CADM3: variants seen among roughly 807,000 people sequenced by gnomAD.
CADM3 encodes TSLC1-like 1.
In CADM3, 11 loss-of-function variants were observed where a neutral mutation model predicts 44.9. The ratio of observed to expected loss-of-function variants is 0.25; its 90% confidence interval spans 0.15 to 0.41. The LOEUF (loss-of-function observed/expected upper bound fraction) is 0.41, where lower values mean the gene tolerates loss of function less well. CADM3 is among the 10% of genes least tolerant of loss of function. The pLI is 1.00. For synonymous variants in CADM3, 207 were observed against 205.2 expected, an observed-to-expected ratio of 1.01 and a Z score of -0.08; for missense variants, 426 against 512.0, an observed-to-expected ratio of 0.83 and a Z score of 1.62.
At chr1:159,180,468 C>T (rs928784195) in intron 1 of CADM3, among the ~76,000 whole-genome samples, 10 of 152,086 alleles carry the variant, frequency 6.6e-5, no homozygotes, top group Non-Finnish European at 1.3e-4. Flanking sequence ...TTTTCCATTT[C>T]GGGGACTGTG....
intron 1 of CADM3, among the ~76,000 whole-genome samples, chr1:159,184,795 C>T (rs559340185): frequency 1.3e-5 from 2 of 152,184 alleles, no homozygotes; most frequent in East Asian, 3.9e-4. Context: ...TTATTGAGCA[C>T]TTATTATGTG....
intron 1 of CADM3, among the ~76,000 whole-genome samples, chr1:159,188,275 C>T (rs1649498600): frequency 6.6e-6 from 1 of 151,030 alleles, no homozygotes. Flanking sequence ...TCCCTCTCCA[C>T]CCCCTCTTTA....
chr1:159,172,109 T>C (rs1423358491), intron 1 of CADM3, among the ~76,000 whole-genome samples: 5 of 152,078 alleles, frequency 3.3e-5, no homozygotes, highest in Non-Finnish European at 5.9e-5. Context: ...CTCTCGGGGC[T>C]GATGTCCGTT....
chr1:159,198,566 G>A (rs1359365100), intron 7 of CADM3, among the ~76,000 whole-genome samples: 2 of 152,138 alleles, frequency 1.3e-5, no homozygotes, highest in Non-Finnish European at 1.5e-5. Flanking sequence ...GCAAGGAACT[G>A]AAACGCGGGC....
In CADM3 at chr1:159,194,025, C is replaced by A; in HGVS notation, c.676C>A (p.Arg226Ser). Reference sequence around the variant, plus strand: ...GGGAGCTGACAGATCCACCTCTCAACGCATTGAAGTTTTATGTATGTCATG... The same window carrying A: ...GGGAGCTGACAGATCCACCTCTCAAAGCATTGAAGTTTTATGTATGTCATG... ...LKGADRSTSQ[R>S]IEVLYTPTAM... The change falls in exon 5 of 9, where the codon CGC (arginine) becomes AGC (serine). Residue 226 changes from arginine (R) to serine (S), a missense_variant. By Grantham distance (110) the Arg-to-Ser change is moderately radical. Coordinates refer to ENST00000368125, the MANE Select transcript of CADM3 (RefSeq NM_001127173.3). 1 of 1,613,452 alleles carries A rather than the reference C, an allele frequency of 6.2e-7. No individual in the cohort carries two copies. Among genetic ancestry groups the A allele is most frequent in the Non-Finnish European group, 8.5e-7 (1 of 1,179,584 alleles).
chr1:159,202,748 C>T lies in CADM3; in HGVS notation c.*1826C>T, dbSNP rs149599957. 1 of 152,060 alleles carries T rather than the reference C, an allele frequency of 6.6e-6. No individual in the cohort carries two copies. The highest frequency in any genetic ancestry group is 2.1e-4 in the South Asian group (1 of 4,816). The allele number at this position is 152,060 out of a possible 1,614,324, so 9.4% of individuals were successfully genotyped here. A position where few individuals can be genotyped will look rare whatever the true frequency, so the allele number is the denominator to read the frequency against. ...TGCAATCTAGCAGGCCTGCCCACCC[C>T]CTTCAGTTCAGGTAATACAGTTGTG... On this transcript the variant is annotated 3_prime_UTR_variant, in exon 9 of 9. Coordinates refer to ENST00000368125, the MANE Select transcript of CADM3 (RefSeq NM_001127173.3).
At chr1:159,178,449 A>G (rs573297378) in intron 1 of CADM3, 18 of 152,324 alleles carry the variant, frequency 1.2e-4, no homozygotes, top group African/African-American at 4.3e-4. Flanking sequence ...CCAGTAAATG[A>G]GAGGCATAGA....
In CADM3 at chr1:159,189,818, G is replaced by A. The variant is rs150071589; in HGVS notation, c.89-2118G>A. On this transcript the variant is annotated intron_variant, in intron 1 of 8. Coordinates refer to ENST00000368125, the MANE Select transcript of CADM3 (RefSeq NM_001127173.3). ...GGAGCTGGGAACTCTGGCTCCACTC[G>A]ACGAGGCCATCAGCTCCACAGTCTG... 3.4e-5 allele frequency: 54 copies of A among 1,607,622 alleles called. No homozygotes were observed. The South Asian group carries it at 5.8e-4, about 17-fold the overall frequency.
chr1:159,186,476 C>T (rs1649422690), intron 1 of CADM3, among the ~76,000 whole-genome samples: 2 of 152,206 alleles, frequency 1.3e-5, no homozygotes, highest in Admixed American at 6.5e-5. Flanking sequence ...AAATTCCATA[C>T]CACCCATTCA....
chr1:159,198,005 C>G (rs1293343445), intron 7 of CADM3: 1 of 152,256 alleles, frequency 6.6e-6, no homozygotes, highest in Non-Finnish European at 1.5e-5. Context: ...GCTCCGGTCT[C>G]TGCCCCCAGA....
intron 5 of CADM3, chr1:159,195,720 A>G (rs1173639674): frequency 6.6e-6 from 1 of 152,212 alleles, no homozygotes; most frequent in Non-Finnish European, 1.5e-5. Flanking sequence ...GTTGTTCTCG[A>G]CCAGCATCTG....
chr1:159,188,113 G>T (rs1649491409), intron 1 of CADM3, among the ~76,000 whole-genome samples: 1 of 151,984 alleles, frequency 6.6e-6, no homozygotes, highest in African/African-American at 2.4e-5. Context: ...CCTGGAAGCT[G>T]TCTGTGAGGA....
At chr1:159,174,384 G>A (rs1308304289) in intron 1 of CADM3, among the ~76,000 whole-genome samples, 1 of 152,130 alleles carries the variant, frequency 6.6e-6, no homozygotes, top group Non-Finnish European at 1.5e-5. Context: ...TTGGCCTGGG[G>A]CCCCTAGGAA....
At chr1:159,172,709 G>A (rs1648864193) in intron 1 of CADM3, among the ~76,000 whole-genome samples, 1 of 152,122 alleles carries the variant, frequency 6.6e-6, no homozygotes, top group Non-Finnish European at 1.5e-5. Flanking sequence ...GCCCCAGTCT[G>A]GAACTCAAAC....
At chr1:159,175,506 T>A (rs1648984162) in intron 1 of CADM3, among the ~76,000 whole-genome samples, 1 of 152,244 alleles carries the variant, frequency 6.6e-6, no homozygotes, top group Non-Finnish European at 1.5e-5. Flanking sequence ...ATGTGAGACA[T>A]TTTTAACAAA....
intron 5 of CADM3, chr1:159,195,883 A>C (rs1234030411): frequency 6.5e-6 from 1 of 152,994 alleles, no homozygotes; most frequent in Non-Finnish European, 1.5e-5. Flanking sequence ...GCTGTTTCAA[A>C]GCTCTCACTT....
Position 159,200,804 on chromosome 1 carries a change from G to A in CADM3, c.1079G>A (p.Gly360Glu), listed in dbSNP as rs1445566896. The change falls in exon 9 of 9, where the codon GGA (glycine) becomes GAA (glutamate). Residue 360 changes from glycine to glutamate, a missense_variant and splice_region_variant. By Grantham distance (98) the Gly-to-Glu change is moderately conservative. Coordinates refer to ENST00000368125, the MANE Select transcript of CADM3 (RefSeq NM_001127173.3). ...FLGHYLIRHKGTYLTHEAKGS... is the reference protein window; with the variant it reads ...FLGHYLIRHKETYLTHEAKGS... Reference sequence around the variant, plus strand: ...AGGAGAAGCCTCTGTCTCTACACAGGAACCTACCTGACACATGAGGCAAAA... The same window carrying A: ...AGGAGAAGCCTCTGTCTCTACACAGAAACCTACCTGACACATGAGGCAAAA... The A allele has an allele frequency of 6.3e-6, 10 of 1,599,522 alleles. No homozygotes were observed. The highest frequency in any genetic ancestry group is 7.7e-6 in the Non-Finnish European group (9 of 1,172,828).
intron 1 of CADM3, among the ~76,000 whole-genome samples, chr1:159,186,397 G>A (rs1377083069): frequency 2.6e-5 from 4 of 152,076 alleles, no homozygotes; most frequent in Non-Finnish European, 5.9e-5. Flanking sequence ...GAGCAACCTG[G>A]GCCTTCTCTC....
intron 1 of CADM3, among the ~76,000 whole-genome samples, chr1:159,185,881 C>T (rs1045379171): frequency 2.0e-5 from 3 of 152,186 alleles, no homozygotes; most frequent in Non-Finnish European, 4.4e-5. Flanking sequence ...CAAAATGCAT[C>T]AGACCCTACC....
Sources: gnomAD v4.1 joint callset for allele counts (sites outside exome capture counted in the v4.1 genomes callset) on GRCh38, gnomAD v4.1.1 for gene constraint, MANE v1.5 for transcripts, NCBI Gene and HGNC (gene_info 2026-07-23, HGNC 2026-07-21) for gene names.